Variants in JAG2 observed in about 807,000 individuals in gnomAD.
JAG2 encodes jagged canonical Notch ligand 2.
Under a neutral mutation model 141.7 loss-of-function variants are expected in JAG2, and 46 were observed. That is an observed-to-expected ratio of 0.32 (90% confidence interval 0.26 to 0.42). The LOEUF (loss-of-function observed/expected upper bound fraction) is 0.42, where lower values mean the gene tolerates loss of function less well. JAG2 is among the 10% of genes least tolerant of loss of function. The probability of loss-of-function intolerance (pLI) is 1.00; values close to 1 mark genes in which losing one functional copy is unlikely to be tolerated. For synonymous variants in JAG2, 862 were observed against 763.5 expected (o/e 1.13, Z -2.13); for missense variants, 1,500 against 1,817.5 (o/e 0.83, Z 3.18).
At position 105,142,826 on chromosome 14, in the gene JAG2, A is replaced by C. The variant is rs760900749; in HGVS notation, c.3586T>G (p.Phe1196Val). The C allele has an allele frequency of 6.2e-7, 1 of 1,610,698 alleles. No individual in the cohort carries two copies. Among genetic ancestry groups the C allele is most frequent in the Non-Finnish European group, 8.5e-7 (1 of 1,178,920 alleles). ...TCTTTGGTGAATTTGTGTGAGAGGA[A>C]CTTCTCCGCCTCCAGGGAGTCCTCC... ...GEEDSLEAEK[F>V]LSHKFTKDPG... The change falls in exon 26 of 26, where the codon TTC becomes GTC. Residue 1196 changes from phenylalanine (F) to valine (V), a missense_variant. By Grantham distance (50) the Phe-to-Val change is conservative (BLOSUM62 -1). Coordinates refer to ENST00000331782, the MANE Select transcript of JAG2 (RefSeq NM_002226.5).
At chr14:105,158,465 C>T (rs1888640375) in intron 2 of JAG2, among the ~76,000 whole-genome samples, 2 of 152,166 alleles carry the variant, frequency 1.3e-5, no homozygotes, top group Non-Finnish European at 2.9e-5. Flanking sequence ...ACTATGCCCC[C>T]TCTGCCCCCG....
chr14:105,158,698 G>T (rs1421233450), intron 2 of JAG2, among the ~76,000 whole-genome samples: 1 of 152,010 alleles, frequency 6.6e-6, no homozygotes, highest in Non-Finnish European at 1.5e-5. Flanking sequence ...GAACCCCCCA[G>T]TCTACCCCTG....
In JAG2 at chr14:105,155,979, C is replaced by A; in HGVS notation, c.486G>T (p.Leu162=). The change falls in exon 4 of 26, where the codon CTG becomes CTT. Residue 162 remains leucine (L), a synonymous_variant. Transcript: ENST00000331782. The part of the protein sequence containing the change: ...DNDTTPNEEL[L]IERVSHAGMI... ...TGCCGGCATGCGACACTCGCTCGAT[C>A]AGCAGCTCCTCTTGGGGAGGCGGCA... 2 of 1,605,134 alleles carry A rather than the reference C, an allele frequency of 1.2e-6. No individual in the cohort carries two copies. The highest frequency in any genetic ancestry group is 1.7e-6 in the Non-Finnish European group (2 of 1,179,314).
chr14:105,166,469 T>A lies in JAG2; in HGVS notation c.417+1288A>T, dbSNP rs1888913509. Among the ~76,000 whole-genome samples, 5 of 152,214 alleles carry A rather than the reference T, an allele frequency of 3.3e-5. No individual in the cohort carries two copies. The South Asian group carries it at 1.0e-3, about 31-fold the overall frequency. On this transcript the variant is annotated intron_variant, in intron 2 of 25. Coordinates refer to ENST00000331782, the MANE Select transcript of JAG2 (RefSeq NM_002226.5). ...GCCTGGGCCCTCCCATGCCCGCCCC[T>A]GCCTTTTCCATCTGGGGGACACTTT...
Position 105,144,968 on chromosome 14 carries a change from G to T in JAG2, c.3046C>A (p.Arg1016=). 6.2e-7 allele frequency: 1 copy of T among 1,605,650 alleles called. No individual in the cohort carries two copies. Among genetic ancestry groups the T allele is most frequent in the Non-Finnish European group, 8.5e-7 (1 of 1,178,664 alleles). The change falls in exon 24 of 26, where the codon CGG becomes AGG. Residue 1016 remains arginine (R), a synonymous_variant. Transcript: ENST00000331782. ...RDRLLVLLCD[R]ASSGASAVEV... is the part of the protein sequence containing the mutation. Reference sequence around the variant, plus strand: ...ACAGCACTGGCCCCCGAGGACGCCCGGTCGCAAAGCAACACCAGCAGGCGG... The same window carrying T: ...ACAGCACTGGCCCCCGAGGACGCCCTGTCGCAAAGCAACACCAGCAGGCGG...
chr14:105,146,473 G>C lies in JAG2; in HGVS notation c.2621C>G (p.Ser874Cys). Residue 874 changes from serine to cysteine, a missense_variant, in exon 22 of 26, where the codon TCC (serine) becomes TGC (cysteine). Ser to Cys is a moderately radical substitution (Grantham distance 112, BLOSUM62 -1). Transcript: ENST00000331782. ...TCCGTGTGGGAACGGAGTGCCCCGGGACCAGCAGGATCTCCCGAACCCGAT... is the reference window on the plus strand; with the variant it reads ...TCCGTGTGGGAACGGAGTGCCCCGGCACCAGCAGGATCTCCCGAACCCGAT... ...EVIGFGRSCW[S>C]RGTPFPHGSS... is the part of the protein sequence containing the mutation. 1 of 1,612,786 alleles carries C rather than the reference G, an allele frequency of 6.2e-7. No homozygotes were observed. Among genetic ancestry groups the C allele is most frequent in the Non-Finnish European group, 8.5e-7 (1 of 1,179,902 alleles).
Position 105,154,356 on chromosome 14 carries a change from C to T in JAG2, c.788+1206G>A, listed in dbSNP as rs1033627498. On this transcript the variant is annotated intron_variant, in intron 5 of 25. Transcript: ENST00000331782. This position sits in a 1 kb window ranked among gnomAD's most constrained non-coding sequence, Gnocchi z 4.4. ...CACCTGCTGTCTCTCCACCCGCTCG[C>T]GCCCCTCTCTCGGGCTCCCCAGCTT... 1.3e-5 allele frequency among the ~76,000 whole-genome samples: 2 copies of T among 152,172 alleles called. No individual in the cohort carries two copies. Among genetic ancestry groups the T allele is most frequent in the African/African-American group, 4.8e-5 (2 of 41,430 alleles).
chr14:105,167,546 C>G lies in JAG2; in HGVS notation c.417+211G>C, dbSNP rs1050362870. On this transcript the variant is annotated intron_variant, in intron 2 of 25. Coordinates refer to ENST00000331782, the MANE Select transcript of JAG2 (RefSeq NM_002226.5). The surrounding 1 kb of genome is among the most constrained non-coding windows in gnomAD (Gnocchi z 4.8). ...CGCCGCCCCGCCCCCGCCGCGACCCCGCTCCCGGTGGCCCCGGGGCCCCGG... is the reference window on the plus strand; with the variant it reads ...CGCCGCCCCGCCCCCGCCGCGACCCGGCTCCCGGTGGCCCCGGGGCCCCGG... Among the ~76,000 whole-genome samples, 161 of 146,636 alleles carry G rather than the reference C, an allele frequency of 1.1e-3. No individual in the cohort carries two copies. Among genetic ancestry groups the G allele is most frequent in the East Asian group, 9.1e-3 (46 of 5,068 alleles).
intron 14 of JAG2, 23 bp from the exon 15 acceptor site, chr14:105,148,881 C>T (rs1283242171): frequency 1.9e-6 from 3 of 1,588,652 alleles, no homozygotes; most frequent in African/African-American, 1.3e-5. Context: ...GCGGGGTGAG[C>T]CAGGGCCTCA....
intron 2 of JAG2, among the ~76,000 whole-genome samples, chr14:105,163,592 G>A (rs587753537): frequency 1.0e-4 from 14 of 140,162 alleles, no homozygotes; most frequent in Admixed American, 6.9e-4. Flanking sequence ...CAGGCCTGTG[G>A]TCTGGGGACA....
chr14:105,148,105 G>A lies in JAG2; in HGVS notation c.2248+11C>T. 1.9e-6 allele frequency: 3 copies of A among 1,539,116 alleles called. No individual in the cohort carries two copies. Among genetic ancestry groups the A allele is most frequent in the Non-Finnish European group, 2.6e-6 (3 of 1,138,600 alleles). On this transcript the variant is annotated intron_variant, in intron 17 of 25. Transcript: ENST00000331782. ...TGCCCGGCGGTCGCAGAGGCAGCGGGGGCTCCTCACCGACGGCGCAGGTGC... is the reference window on the plus strand; with the variant it reads ...TGCCCGGCGGTCGCAGAGGCAGCGGAGGCTCCTCACCGACGGCGCAGGTGC...
chr14:105,144,815 C>G, intron 24 of JAG2, 115 bp downstream of exon 24: 2 of 1,345,130 alleles, frequency 1.5e-6, no homozygotes, highest in Non-Finnish European at 2.1e-6. Context: ...CAGGCCTGCC[C>G]GCAGTCCTTC....
In JAG2 at chr14:105,149,411, G is replaced by A. The variant is rs1463183868; in HGVS notation, c.1603-91C>T. On this transcript the variant is annotated intron_variant, in intron 12 of 25. Coordinates refer to ENST00000331782, the MANE Select transcript of JAG2 (RefSeq NM_002226.5). ...TCTGTCCATACGAAGGTAGATCCCT[G>A]GGGACCCCCAGGCCCCTCCGCCCTG... 3 of 1,555,530 alleles carry A rather than the reference G, an allele frequency of 1.9e-6. No homozygotes were observed. The African/African-American group carries it at 4.1e-5, about 21-fold the overall frequency.
rs1270458130 is a variant in JAG2 at position 105,167,253 on chromosome 14, G to C, written c.417+504C>G. On this transcript the variant is annotated intron_variant, in intron 2 of 25. Transcript: ENST00000331782. This position sits in a 1 kb window ranked among gnomAD's most constrained non-coding sequence, Gnocchi z 4.8. ...CCATCGGGGGCTTCTGCCGACATAA[G>C]CGTTAGGCGTTAGGCTCTCCCGGGC... Among the ~76,000 whole-genome samples, 1 of 152,292 alleles carries C rather than the reference G, an allele frequency of 6.6e-6. No individual in the cohort carries two copies. Among genetic ancestry groups the C allele is most frequent in the East Asian group, 1.9e-4 (1 of 5,172 alleles).
At chr14:105,145,630 C>A in intron 23 of JAG2, 101 bp downstream of exon 23, 1 of 1,464,578 alleles carries the variant, frequency 6.8e-7, no homozygotes. Flanking sequence ...TCTGCTCAGC[C>A]AACCAGGGCC....
Position 105,147,774 on chromosome 14 carries a change from T to G in JAG2, c.2363A>C (p.His788Pro). The change falls in exon 18 of 26, where the codon CAC becomes CCC. Residue 788 changes from histidine (H) to proline (P), a missense_variant and splice_region_variant. Around this residue, in one of 3 missense-constraint regions of JAG2, gnomAD observed 875 missense variants for 1,202.2 expected, o/e 0.73. Transcript: ENST00000331782. ...RDGWEGRTCT[H>P]NTNDCNPLPC... is the part of the protein sequence containing the mutation. Reference sequence around the variant, plus strand: ...GCCCACACCCCTCCCACACTCACTGTGAGTGCAAGTACGACCCTCCCAGCC... The same window carrying G: ...GCCCACACCCCTCCCACACTCACTGGGAGTGCAAGTACGACCCTCCCAGCC... 1 of 1,540,834 alleles carries G rather than the reference T, an allele frequency of 6.5e-7. No homozygotes were observed. Among genetic ancestry groups the G allele is most frequent in the Non-Finnish European group, 8.8e-7 (1 of 1,139,744 alleles).
intron 2 of JAG2, among the ~76,000 whole-genome samples, chr14:105,165,011 C>T (rs1241094298): frequency 6.6e-6 from 1 of 152,288 alleles, no homozygotes; most frequent in East Asian, 1.9e-4. Context: ...CATGCTCCAG[C>T]CACACCACCC....
intron 2 of JAG2, among the ~76,000 whole-genome samples, chr14:105,165,311 C>T (rs1247804232): frequency 6.6e-6 from 1 of 152,254 alleles, no homozygotes; most frequent in Non-Finnish European, 1.5e-5. Flanking sequence ...AAACCTCCAT[C>T]ACCACCTGCC....
Position 105,145,804 on chromosome 14 carries a change from A to C in JAG2, c.2879T>G (p.Leu960Arg). 5 of 1,571,252 alleles carry C rather than the reference A, an allele frequency of 3.2e-6. No individual in the cohort carries two copies. The highest frequency in any genetic ancestry group is 3.5e-6 in the Non-Finnish European group (4 of 1,158,976). ...GAEEPPSTPCLPRSGHLDNNC... is the reference protein window; with the variant it reads ...GAEEPPSTPCRPRSGHLDNNC... ...ATTGTCCAGGTGGCCGGAGCGTGGC[A>C]GGCAGGGGGTGCTCGGTGGCTCTTC... is the stretch of plus-strand genomic sequence containing the variant. Residue 960 changes from leucine to arginine, a missense_variant, in exon 23 of 26, where the codon CTG becomes CGG. By Grantham distance (102) the Leu-to-Arg change is moderately radical. This residue lies in a region of JAG2 where 425 missense variants were observed against 441.0 expected (regional missense o/e 0.96). Coordinates refer to ENST00000331782, the MANE Select transcript of JAG2 (RefSeq NM_002226.5).
Sources: allele counts gnomAD v4.1 joint callset (sites outside exome capture counted in the v4.1 genomes callset), GRCh38; gene constraint gnomAD v4.1.1; regional missense constraint gnomAD v4.1.1; non-coding constraint Gnocchi (gnomAD v3.1); transcripts MANE v1.5; gene names NCBI Gene and HGNC (gene_info 2026-07-23, HGNC 2026-07-21).